Variants in CIB4 observed in about 807,000 individuals in gnomAD.
CIB4 encodes calcium and integrin-binding family member 4.
Under a neutral mutation model 25.8 loss-of-function variants are expected in CIB4, and 25 were observed. That is an observed-to-expected ratio of 0.97 (90% confidence interval 0.71 to 1.35). The LOEUF (loss-of-function observed/expected upper bound fraction) is 1.35. CIB4 is among the 40% of genes most tolerant of loss of function. The pLI is 0.00. For synonymous variants in CIB4, 75 were observed against 81.4 expected (o/e 0.92, Z 0.42); for missense variants, 235 against 228.2 (o/e 1.03, Z -0.19).
At chr2:26,587,198 C>T (rs577171098) in intron 4 of CIB4, among the ~76,000 whole-genome samples, 4 of 143,890 alleles carry the variant, frequency 2.8e-5, no homozygotes, top group South Asian at 2.3e-4. Context: ...CCCAGCTACT[C>T]GGGAGGCTGA....
chr2:26,607,236 G>T (rs1210666547), intron 3 of CIB4, among the ~76,000 whole-genome samples: 4 of 152,138 alleles, frequency 2.6e-5, no homozygotes, highest in Non-Finnish European at 2.9e-5. Context: ...TTAGTATAAT[G>T]ACTTCTTATT....
chr2:26,628,304 G>T lies in CIB4; in HGVS notation c.186+1106C>A, dbSNP rs553443412. Among the ~76,000 whole-genome samples the T allele has an allele frequency of 2.0e-5, 3 of 152,264 alleles. No homozygotes were observed. In the East Asian group the frequency reaches 5.8e-4, roughly 29 times the overall value. On this transcript the variant is annotated intron_variant, in intron 3 of 6. Transcript: ENST00000288861. ...TGTCCCTAAAGGATTGGGAGGTGGG[G>T]GGAGCAGGGACAGCTCAGGCTAGCA...
rs1462059608 is a variant in CIB4, at chr2:26,590,263, A to AAAAAAAAAAAAAAAAAAAC, written c.328+4912_328+4913insGTTTTTTTTTTTTTTTTTT. On this transcript the variant is annotated intron_variant, in intron 4 of 6. Coordinates refer to ENST00000288861, the MANE Select transcript of CIB4 (RefSeq NM_001029881.3). ...AGCTGGGGCCCAAGCATCTGTAAAA[A>AAAAAAAAAAAAAAAAAAAC]AAAAAAAAAAAAAAAAAAAAACTCA... is the stretch of plus-strand genomic sequence containing the variant. Among the ~76,000 whole-genome samples, 4 of 146,600 alleles carry AAAAAAAAAAAAAAAAAAAC rather than the reference A, an allele frequency of 2.7e-5. 1 individual carries two copies. Among genetic ancestry groups the AAAAAAAAAAAAAAAAAAAC allele is most frequent in the Admixed American group, 2.7e-4 (4 of 14,778 alleles).
At chr2:26,634,053 G>A (rs914039245) in intron 2 of CIB4, among the ~76,000 whole-genome samples, 5 of 152,104 alleles carry the variant, frequency 3.3e-5, no homozygotes, top group African/African-American at 7.2e-5. Flanking sequence ...GGGGTCCCAC[G>A]TAAGAATCAT....
chr2:26,605,648 A>T (rs1668874478), intron 3 of CIB4: 1 of 442,036 alleles, frequency 2.3e-6, no homozygotes, highest in African/African-American at 2.0e-5. Context: ...GTGTTGGGTC[A>T]GCATCATTCA....
chr2:26,608,817 C>T (rs778873434), intron 3 of CIB4, among the ~76,000 whole-genome samples: 1 of 152,146 alleles, frequency 6.6e-6, no homozygotes, highest in Non-Finnish European at 1.5e-5. Flanking sequence ...CGTGGGTGGC[C>T]GGGCCCTGCA....
chr2:26,589,066 C>CTTCTTCTTCTTCTTCT (rs1668523432), intron 4 of CIB4, among the ~76,000 whole-genome samples: 3 of 46,366 alleles, frequency 6.5e-5, no homozygotes, highest in East Asian at 1.9e-3. Flanking sequence ...CTTCCTCTTC[C>CTTCTTCTTCTTCTTCT]TCTTCCTCTT....
chr2:26,619,271 G>A (rs754774689), intron 3 of CIB4, among the ~76,000 whole-genome samples: 16 of 152,264 alleles, frequency 1.1e-4, no homozygotes, highest in Non-Finnish European at 2.1e-4. Flanking sequence ...GGGAGGCTCC[G>A]GAGGTGCCTG....
At chr2:26,582,514 C>G (rs1187445576) in intron 6 of CIB4, among the ~76,000 whole-genome samples, 1 of 152,190 alleles carries the variant, frequency 6.6e-6, no homozygotes, top group African/African-American at 2.4e-5. Flanking sequence ...GTGGGGTCGT[C>G]AGGAGCCTAG....
rs756361596 is a variant in CIB4 at position 26,581,441 on chromosome 2, G to A, written c.528-48C>T. On this transcript the variant is annotated intron_variant, in intron 6 of 6. Transcript: ENST00000288861. ...CCATGTGAGCCCGCAGGTCCAAGGG[G>A]CCCTCTGACTCCTGGGTTCACAGTA... The A allele has an allele frequency of 3.8e-6, 6 of 1,593,836 alleles. No homozygotes were observed. In the East Asian group the frequency reaches 1.1e-4, roughly 30 times the overall value.
At chr2:26,606,281 A>G (rs953932162) in intron 3 of CIB4, among the ~76,000 whole-genome samples, 1 of 152,204 alleles carries the variant, frequency 6.6e-6, no homozygotes, top group Non-Finnish European at 1.5e-5. Flanking sequence ...AAGTATCTCA[A>G]TCAAGCGCAC....
At chr2:26,612,984 G>A (rs753093564) in intron 3 of CIB4, among the ~76,000 whole-genome samples, 3 of 152,308 alleles carry the variant, frequency 2.0e-5, no homozygotes, top group Non-Finnish European at 4.4e-5. Context: ...TGGGTCTGCT[G>A]GGAGCACTTC....
intron 4 of CIB4, among the ~76,000 whole-genome samples, chr2:26,588,994 TTCTTCTTC>T (rs1668512167): frequency 3.7e-4 from 3 of 8,216 alleles, no homozygotes; most frequent in African/African-American, 1.1e-3. Context: ...CTTCTTCTTC[TTCTTCTTC>T]TTCTTCTTCT....
chr2:26,630,777 C>T (rs1412195520), intron 2 of CIB4, among the ~76,000 whole-genome samples: 1 of 152,134 alleles, frequency 6.6e-6, no homozygotes, highest in Non-Finnish European at 1.5e-5. Flanking sequence ...AACGTCAGCG[C>T]AGTGTTTGGT....
At chr2:26,593,326 ATG>A (rs766366755) in intron 4 of CIB4, among the ~76,000 whole-genome samples, 135 of 151,394 alleles carry the variant, frequency 8.9e-4, no homozygotes, top group Non-Finnish European at 1.4e-3. Context: ...GTGTGTGTAT[ATG>A]TGTGTGTGTG....
chr2:26,637,079 A>T (rs1275502819), intron 2 of CIB4, among the ~76,000 whole-genome samples: 1 of 152,194 alleles, frequency 6.6e-6, no homozygotes, highest in Non-Finnish European at 1.5e-5. Flanking sequence ...GCCCTGAGTC[A>T]GGGGCCTGTC....
intron 2 of CIB4, 144 bp downstream of exon 2, chr2:26,640,389 T>G: frequency 1.2e-6 from 1 of 820,584 alleles, no homozygotes; most frequent in Non-Finnish European, 1.9e-6. Flanking sequence ...CATCCCTGCC[T>G]GCCGTGTCCC....
intron 1 of CIB4, 25 bp downstream of exon 1, chr2:26,641,236 A>G (rs1205150903): frequency 6.3e-7 from 1 of 1,598,058 alleles, no homozygotes; most frequent in East Asian, 2.2e-5. Flanking sequence ...ACCTCTGCCC[A>G]GAGTCCCTAG....
Position 26,639,818 on chromosome 2 carries a change from C to T in CIB4, c.89+715G>A, listed in dbSNP as rs561940627. ...CCAAGCAAAGATGATGAGAGGGAAC[C>T]TTCCCCCACCTTCCCCTGAAAGTGT... On this transcript the variant is annotated intron_variant, in intron 2 of 6. Transcript: ENST00000288861. Among the ~76,000 whole-genome samples, 4 of 152,172 alleles carry T rather than the reference C, an allele frequency of 2.6e-5. No homozygotes were observed. In the South Asian group the frequency reaches 6.2e-4, roughly 24 times the overall value.
Sources: gnomAD v4.1 joint callset for allele counts (sites outside exome capture counted in the v4.1 genomes callset) on GRCh38, gnomAD v4.1.1 for gene constraint, MANE v1.5 for transcripts, NCBI Gene and HGNC (gene_info 2026-07-23, HGNC 2026-07-21) for gene names.